SGCG: variants seen among roughly 807,000 people sequenced by gnomAD.
SGCG encodes gamma-sarcoglycan.
SGCG carries 26 observed loss-of-function variants against 29.3 expected under a neutral mutation model. The ratio of observed to expected loss-of-function variants is 0.89; its 90% CI spans 0.65 to 1.23. SGCG has a LOEUF of 1.23. Ranked by LOEUF, SGCG falls within the 50% of genes most tolerant of loss-of-function variation. The pLI is 0.00. For missense variants in SGCG, 353 were observed against 356.0 expected, an observed-to-expected ratio of 0.99 and a Z score of 0.07; for synonymous variants, 145 against 129.7, an observed-to-expected ratio of 1.12 and a Z score of -0.80.
At chr13:23,298,726 C>T (rs1369351334) in intron 6 of SGCG, among the ~76,000 whole-genome samples, 2 of 152,128 alleles carry the variant, frequency 1.3e-5, no homozygotes, top group Non-Finnish European at 2.9e-5. Context: ...TGCCAAAACA[C>T]TTTTAAAGTA....
intron 5 of SGCG, among the ~76,000 whole-genome samples, chr13:23,281,073 A>G (rs1370351370): frequency 6.6e-6 from 1 of 152,080 alleles, no homozygotes; most frequent in African/African-American, 2.4e-5. Flanking sequence ...AGTGGTTCAC[A>G]CCTGTAATCC....
intron 1 of SGCG, among the ~76,000 whole-genome samples, chr13:23,200,860 T>C (rs1013043369): frequency 1.1e-4 from 17 of 152,062 alleles, no homozygotes; most frequent in African/African-American, 4.1e-4. Context: ...GGGGTCACAC[T>C]TGGGGGACTC....
intron 4 of SGCG, among the ~76,000 whole-genome samples, chr13:23,276,431 CTTTTTTTTT>C (rs71100165): frequency 2.0e-5 from 2 of 102,338 alleles, no homozygotes; most frequent in Non-Finnish European, 3.7e-5. Context: ...TTTTAGTTTT[CTTTTTTTTT>C]TTTTTTTTTT....
At position 23,233,683 on chromosome 13, in the gene SGCG, T is replaced by C. The variant is rs185962530; in HGVS notation, c.196-928T>C. Among the ~76,000 whole-genome samples the C allele has an allele frequency of 3.1e-3, 470 of 152,294 alleles. 4 individuals are homozygous for C. The highest frequency in any genetic ancestry group is 0.011 in the African/African-American group (447 of 41,564). ...AAAGTGGTTAAGATGGTAAAATGTA[T>C]GTAACATATTTTACCATGATTTTTA... On this transcript the variant is annotated intron_variant, in intron 2 of 7. Transcript: ENST00000218867.
chr13:23,312,875 A>G (rs139598422), intron 6 of SGCG, among the ~76,000 whole-genome samples: 503 of 152,296 alleles, frequency 3.3e-3, no homozygotes, highest in Non-Finnish European at 5.4e-3. Flanking sequence ...GGAAATTTTT[A>G]AAGAAATATA....
At chr13:23,196,913 C>T (rs1877535205) in intron 1 of SGCG, among the ~76,000 whole-genome samples, 1 of 152,168 alleles carries the variant, frequency 6.6e-6, no homozygotes, top group South Asian at 2.1e-4. Context: ...AAAACCCATG[C>T]AGTCATTCCC....
At chr13:23,200,590 T>C (rs1204655304) in intron 1 of SGCG, among the ~76,000 whole-genome samples, 2 of 152,054 alleles carry the variant, frequency 1.3e-5, no homozygotes, top group Non-Finnish European at 2.9e-5. Context: ...CTCTCAGGGC[T>C]TATAGGTGGA....
chr13:23,201,006 T>TAA lies in SGCG; in HGVS notation c.1-2689_1-2688insAA, dbSNP rs199894383. Among the ~76,000 whole-genome samples, 1,152 of 152,166 alleles carry TAA rather than the reference T, an allele frequency of 7.6e-3. 8 individuals are homozygous for TAA. Among genetic ancestry groups the TAA allele is most frequent in the Non-Finnish European group, 0.012 (807 of 67,986 alleles). ...GTGAAATGGGAAGCCACGGGAAGGT[T>TAA]TGTTGCAGAGGTGGGGCATGAGCCG... On this transcript the variant is annotated intron_variant, in intron 1 of 7. Coordinates refer to ENST00000218867, the MANE Select transcript of SGCG (RefSeq NM_000231.3).
chr13:23,305,500 T>C (rs562170983), intron 6 of SGCG, among the ~76,000 whole-genome samples: 6 of 152,216 alleles, frequency 3.9e-5, no homozygotes, highest in Admixed American at 3.9e-4. Context: ...ATTTTCCAAG[T>C]ATAATATCTC....
At chr13:23,179,225 A>G (rs530812876), upstream of SGCG, among the ~76,000 whole-genome samples, 23 of 152,204 alleles carry the variant, frequency 1.5e-4, no homozygotes, top group Non-Finnish European at 2.5e-4. Flanking sequence ...AGCTGCCTAC[A>G]TTACAAACTG....
rs1040650692 is a variant in SGCG, at chr13:23,253,214, T to C, written c.385+2497T>C. ...GTGAGCTATGATCACGCCATTACACTCCAGCTTGGGTGAGAAAGTCAGACC... is the reference window on the plus strand; with the variant it reads ...GTGAGCTATGATCACGCCATTACACCCCAGCTTGGGTGAGAAAGTCAGACC... On this transcript the variant is annotated intron_variant, in intron 4 of 7. Transcript: ENST00000218867. Among the ~76,000 whole-genome samples, 5 of 152,230 alleles carry C rather than the reference T, an allele frequency of 3.3e-5. No individual in the cohort carries two copies. The East Asian group carries it at 9.7e-4, about 29-fold the overall frequency.
At position 23,293,393 on chromosome 13, in the gene SGCG, A is replaced by G. The variant is rs574575851; in HGVS notation, c.506-2022A>G. Among the ~76,000 whole-genome samples the G allele has an allele frequency of 1.6e-4, 25 of 152,262 alleles. No homozygotes were observed. In the South Asian group the frequency reaches 5.0e-3, roughly 30 times the overall value. On this transcript the variant is annotated intron_variant, in intron 5 of 7. Transcript: ENST00000218867. ...CTGTTTTGCTTTTGTGCCACAAGCTATTATTTCTTGGATAAGGGCTTTTTT... is the reference window on the plus strand; with the variant it reads ...CTGTTTTGCTTTTGTGCCACAAGCTGTTATTTCTTGGATAAGGGCTTTTTT...
intron 6 of SGCG, among the ~76,000 whole-genome samples, chr13:23,314,905 T>G (rs945864262): frequency 6.6e-6 from 1 of 152,148 alleles, no homozygotes; most frequent in Non-Finnish European, 1.5e-5. Context: ...CATTTGGGTG[T>G]GTTACTTCGG....
At chr13:23,256,204 G>T (rs1041572807) in intron 4 of SGCG, among the ~76,000 whole-genome samples, 1 of 152,022 alleles carries the variant, frequency 6.6e-6, no homozygotes, top group Non-Finnish European at 1.5e-5. Context: ...AGGAACCAGA[G>T]AAATAATTCT....
intron 6 of SGCG, among the ~76,000 whole-genome samples, chr13:23,307,755 T>A (rs75424119): frequency 1.7e-3 from 259 of 152,282 alleles, no homozygotes; most frequent in Non-Finnish European, 2.8e-3. Context: ...TAAATTCAAG[T>A]GAAATACTTT....
intron 3 of SGCG, among the ~76,000 whole-genome samples, chr13:23,237,892 CTT>C (rs1879372342): frequency 1.3e-5 from 2 of 151,192 alleles, no homozygotes. Flanking sequence ...GAAAAACACA[CTT>C]AAGATTCTCA....
intron 1 of SGCG, among the ~76,000 whole-genome samples, chr13:23,200,900 C>A (rs978829860): frequency 6.6e-6 from 1 of 152,060 alleles, no homozygotes; most frequent in African/African-American, 2.4e-5. Flanking sequence ...GTTCCTGGAG[C>A]AGGAGGAGTC....
At chr13:23,205,432 G>A (rs1877948221) in intron 2 of SGCG, among the ~76,000 whole-genome samples, 1 of 152,214 alleles carries the variant, frequency 6.6e-6, no homozygotes, top group Non-Finnish European at 1.5e-5. Flanking sequence ...GTTAAGAGAG[G>A]CAGTGTCCTG....
In SGCG at chr13:23,189,342, A is replaced by AT. The variant is rs1026147222; in HGVS notation, c.-1+8273dup. Among the ~76,000 whole-genome samples the AT allele has an allele frequency of 1.1e-4, 16 of 152,056 alleles. No individual in the cohort carries two copies. The East Asian group carries it at 1.2e-3, about 11-fold the overall frequency. ...TAGGTGCATGCCACCACGCCTGGCT[A>AT]TTTTTTGTATTTTTAGTAGAGATGG... is the stretch of plus-strand genomic sequence containing the variant. On this transcript the variant is annotated intron_variant, in intron 1 of 7. Transcript: ENST00000218867.
Sources: allele counts gnomAD v4.1 joint callset (sites outside exome capture counted in the v4.1 genomes callset), GRCh38; gene constraint gnomAD v4.1.1; transcripts MANE v1.5; gene names NCBI Gene and HGNC (gene_info 2026-07-23, HGNC 2026-07-21).